The following UBP1 variants were observed in gnomAD, a reference collection of about 807,000 sequenced individuals.
The protein encoded by UBP1 is upstream-binding protein 1.
UBP1 carries 22 observed loss-of-function variants against 76.1 expected under a neutral mutation model. The ratio of observed to expected loss-of-function variants is 0.29; its 90% CI spans 0.21 to 0.41. UBP1 has a LOEUF of 0.41. Ranked by LOEUF, UBP1 falls within the 10% of genes least tolerant of loss-of-function variation. The pLI, the probability that UBP1 is intolerant of heterozygous loss-of-function variation, is 1.00. For missense variants in UBP1, 436 were observed against 668.1 expected, an observed-to-expected ratio of 0.65 and a Z score of 3.83; for synonymous variants, 224 against 237.1, an observed-to-expected ratio of 0.94 and a Z score of 0.51.
At chr3:33,402,701 G>C (rs2044274689) in intron 9 of UBP1, 100 bp downstream of exon 9, 6 of 837,802 alleles carry the variant, frequency 7.2e-6, no homozygotes, top group Admixed American at 3.6e-5. Flanking sequence ...TTTCCTTTAG[G>C]TACAATACAA....
intron 1 of UBP1, among the ~76,000 whole-genome samples, chr3:33,429,345 GTTTC>G (rs551754182): frequency 1.2e-4 from 18 of 151,700 alleles, no homozygotes; most frequent in East Asian, 1.2e-3. Flanking sequence ...AAAGTAGGGT[GTTTC>G]TTTATTTTTT....
At chr3:33,411,543 C>T (rs749286378) in intron 5 of UBP1, 38 bp downstream of exon 5, 81 of 1,553,402 alleles carry the variant, frequency 5.2e-5, no homozygotes, top group Middle Eastern at 5.0e-4. Context: ...ACCTAAATAA[C>T]TAGGTTAGTA....
intron 13 of UBP1, among the ~76,000 whole-genome samples, chr3:33,394,916 T>C (rs1239131329): frequency 1.3e-5 from 2 of 151,682 alleles, no homozygotes; most frequent in African/African-American, 4.8e-5. Flanking sequence ...ATCACAGAGT[T>C]GAATGTGAGA....
chr3:33,400,202 G>C lies in UBP1; in HGVS notation c.1167C>G (p.Phe389Leu). Residue 389 changes from phenylalanine (F) to leucine (L), a missense_variant, in exon 11 of 16, where the codon TTC becomes TTG. Transcript: ENST00000283629. ...ACATACACATACCTGAAAAATTAGA[G>C]AACAGTCTTGTGTAGGAAGAGAATC... ...KNRFSSYTRL[F>L]SNFSGADLLK... is the part of the protein sequence containing the mutation. 1.3e-6 allele frequency: 2 copies of C among 1,591,786 alleles called. No homozygotes were observed. Among genetic ancestry groups the C allele is most frequent in the East Asian group, 2.3e-5 (1 of 43,844 alleles).
At chr3:33,430,868 C>T (rs2045101383) in intron 1 of UBP1, among the ~76,000 whole-genome samples, 1 of 152,144 alleles carries the variant, frequency 6.6e-6, no homozygotes, top group Non-Finnish European at 1.5e-5. Flanking sequence ...TCAAATACTT[C>T]ACTAAATCCC....
chr3:33,409,156 T>C, intron 7 of UBP1, 80 bp downstream of exon 7: 1 of 1,363,670 alleles, frequency 7.3e-7, no homozygotes, highest in Non-Finnish European at 1.0e-6. Context: ...CCCAACCCTT[T>C]TGTAGCAGAA....
At chr3:33,404,150 C>T (rs574675224) in intron 8 of UBP1, among the ~76,000 whole-genome samples, 5 of 152,260 alleles carry the variant, frequency 3.3e-5, no homozygotes, top group South Asian at 4.2e-4. Context: ...CGGTGGCTCA[C>T]GCCTGTAATC....
At chr3:33,433,240 T>C (rs1238128445) in intron 1 of UBP1, among the ~76,000 whole-genome samples, 2 of 150,846 alleles carry the variant, frequency 1.3e-5, no homozygotes, top group African/African-American at 2.4e-5. Flanking sequence ...TTTGTATTCT[T>C]AGTAGAGACG....
chr3:33,428,071 A>C (rs1383105822), intron 1 of UBP1, among the ~76,000 whole-genome samples: 1 of 150,218 alleles, frequency 6.7e-6, no homozygotes, highest in African/African-American at 2.4e-5. Flanking sequence ...AGTCCCAGCT[A>C]CTTGGAAGGC....
intron 11 of UBP1, chr3:33,397,549 G>A (rs999691821): frequency 6.5e-6 from 1 of 152,994 alleles, no homozygotes; most frequent in African/African-American, 2.4e-5. Flanking sequence ...AAAGGAAATG[G>A]AAGTCCAGAG....
At chr3:33,414,876 C>A (rs141102903) in intron 3 of UBP1, among the ~76,000 whole-genome samples, 131 of 152,200 alleles carry the variant, frequency 8.6e-4, no homozygotes, top group Non-Finnish European at 1.5e-3. Flanking sequence ...GAATAAGTAA[C>A]CTTGTCTAGG....
Position 33,390,148 on chromosome 3 carries a change from G to T in UBP1, c.*183C>A. The T allele has an allele frequency of 1.6e-6, 1 of 622,138 alleles. No individual in the cohort carries two copies. The highest frequency in any genetic ancestry group is 2.8e-6 in the Non-Finnish European group (1 of 353,414). The allele number at this position is 622,138 out of a possible 1,614,324, so 38.5% of individuals were successfully genotyped here. A position where few individuals can be genotyped will look rare whatever the true frequency, so the allele number is the denominator to read the frequency against. The stretch of plus-strand genomic sequence containing the variant: ...TGTGCTCACTCTCATGAGGATGCTT[G>T]GCTATGGCAGTGACAGTGAGGAGAT... On this transcript the variant is annotated 3_prime_UTR_variant, in exon 16 of 16. Transcript: ENST00000283629.
chr3:33,410,032 A>G (rs1285794124), intron 5 of UBP1, among the ~76,000 whole-genome samples: 1 of 151,956 alleles, frequency 6.6e-6, no homozygotes. Context: ...CCCCTATTCT[A>G]CCCAGCCAAC....
chr3:33,439,885 C>G lies in UBP1; in HGVS notation c.-37G>C. 1.9e-6 allele frequency: 3 copies of G among 1,607,384 alleles called. No individual in the cohort carries two copies. The highest frequency in any genetic ancestry group is 2.5e-6 in the Non-Finnish European group (3 of 1,177,310). ...GCCGTCGCCCCGCACACCGCGGCCT[C>G]CGCGTCCAGGGCGAAGGAGCCGGAG... is the stretch of plus-strand genomic sequence containing the variant. On this transcript the variant is annotated 5_prime_UTR_variant, in exon 1 of 16. Coordinates refer to ENST00000283629, the MANE Select transcript of UBP1 (RefSeq NM_014517.5).
At chr3:33,424,668 TC>T (rs1360543458) in intron 2 of UBP1, among the ~76,000 whole-genome samples, 1 of 152,194 alleles carries the variant, frequency 6.6e-6, no homozygotes, top group African/African-American at 2.4e-5. Flanking sequence ...ACAAATTAAT[TC>T]CTGCATTCAA....
intron 2 of UBP1, among the ~76,000 whole-genome samples, chr3:33,422,923 T>C (rs2044936863): frequency 6.6e-6 from 1 of 152,180 alleles, no homozygotes; most frequent in African/African-American, 2.4e-5. Context: ...ATACAGTCTG[T>C]GCAAAGCACA....
chr3:33,396,804 T>C (rs1248381790), intron 12 of UBP1: 2 of 657,658 alleles, frequency 3.0e-6, no homozygotes, highest in Non-Finnish European at 5.6e-6. Flanking sequence ...AAATCAGTAC[T>C]GCCCATGTGC....
chr3:33,395,749 T>TG (rs1286211979), intron 13 of UBP1, among the ~76,000 whole-genome samples: 7 of 29,820 alleles, frequency 2.3e-4, no homozygotes, highest in Non-Finnish European at 4.4e-4. Flanking sequence ...TCAGGAAAAT[T>TG]GAAAAAAAAA....
In UBP1 at chr3:33,402,853, G is replaced by T. The variant is rs373493970; in HGVS notation, c.979C>A (p.Pro327Thr). ...TGTGGGGAGGTGAAAGTGGGCGCTG[G>T]GGAAGGGCTGTTATTCACATAGGCT... is the stretch of plus-strand genomic sequence containing the variant. ...PTAYVNNSPS[P>T]APTFTSPQQS... is the part of the protein sequence containing the mutation. The change falls in exon 9 of 16, where the codon CCA becomes ACA. Residue 327 changes from proline to threonine, a missense_variant. Transcript: ENST00000283629. 5.7e-5 allele frequency: 91 copies of T among 1,609,964 alleles called. No individual in the cohort carries two copies. Among genetic ancestry groups the T allele is most frequent in the Non-Finnish European group, 7.6e-5 (89 of 1,178,644 alleles).
Sources: allele counts gnomAD v4.1 joint callset (sites outside exome capture counted in the v4.1 genomes callset), GRCh38; gene constraint gnomAD v4.1.1; transcripts MANE v1.5; gene names NCBI Gene and HGNC (gene_info 2026-07-23, HGNC 2026-07-21).